MICAL3: variants seen among roughly 807,000 people sequenced by gnomAD.
The protein encoded by MICAL3 is microtubule associated monooxygenase, calponin and LIM domain containing 3.
In MICAL3, 62 loss-of-function variants were observed where a neutral mutation model predicts 207.4. The ratio of observed to expected loss-of-function variants is 0.30; its 90% CI spans 0.24 to 0.37. The LOEUF is 0.37. Ranked by LOEUF, MICAL3 falls within the 10% of genes least tolerant of loss-of-function variation. MICAL3 has a pLI of 1.00. For missense variants in MICAL3, 2,368 were observed against 2,635.6 expected (o/e 0.90, Z 2.22); for synonymous variants, 1,077 against 1,069.3 (o/e 1.01, Z -0.14).
At chr22:17,814,692 G>C (rs527902179) in intron 27 of MICAL3, 3 of 152,324 alleles carry the variant, frequency 2.0e-5, no homozygotes, top group African/African-American at 7.2e-5. Context: ...CATGTCATCT[G>C]TCTCCTAGGT....
chr22:17,828,188 C>T (rs1440450841), intron 21 of MICAL3, among the ~76,000 whole-genome samples: 3 of 152,214 alleles, frequency 2.0e-5, no homozygotes, highest in Non-Finnish European at 4.4e-5. Flanking sequence ...CCTGCTTTGT[C>T]CCTAGCACAG....
chr22:17,831,243 C>A (rs1922773177), intron 21 of MICAL3, among the ~76,000 whole-genome samples: 1 of 140,956 alleles, frequency 7.1e-6, no homozygotes, highest in Non-Finnish European at 1.6e-5. Context: ...CCTGCACAGG[C>A]CCAGCAAGTC....
chr22:17,899,558 G>A lies in MICAL3; in HGVS notation c.848-10C>T. ...TTCTCCAAGTCAATACCTGGGGCCAGAAGACAAACGTGTGCATGTAAGTTT... is the reference window on the plus strand; with the variant it reads ...TTCTCCAAGTCAATACCTGGGGCCAAAAGACAAACGTGTGCATGTAAGTTT... On this transcript the variant is annotated splice_polypyrimidine_tract_variant and intron_variant, in intron 6 of 31. Transcript: ENST00000441493. 6.5e-7 allele frequency: 1 copy of A among 1,549,924 alleles called. No homozygotes were observed. The highest frequency in any genetic ancestry group is 1.2e-5 in the South Asian group (1 of 86,404).
At chr22:17,937,974 T>C (rs1057013832) in intron 1 of MICAL3, among the ~76,000 whole-genome samples, 37 of 152,218 alleles carry the variant, frequency 2.4e-4, no homozygotes, top group African/African-American at 8.9e-4. Context: ...TACAAGACTT[T>C]ACAAACATCC....
At chr22:17,803,740 G>T in intron 29 of MICAL3, 1 of 752,586 alleles carries the variant, frequency 1.3e-6, no homozygotes, top group Non-Finnish European at 1.6e-6. Flanking sequence ...TTTGTGAGCA[G>T]GGACTGGGAA....
Position 17,804,002 on chromosome 22 carries a change from G to A in MICAL3, c.5650+4842C>T, listed in dbSNP as rs1239761301. On this transcript the variant is annotated intron_variant, in intron 29 of 31. Transcript: ENST00000441493. ...AGACACAGCGAGGCGGCAGAGGAACGGCTGGAAGGCATGCGTGCCTAAGTG... is the reference window on the plus strand; with the variant it reads ...AGACACAGCGAGGCGGCAGAGGAACAGCTGGAAGGCATGCGTGCCTAAGTG... The A allele has an allele frequency of 4.2e-5, 9 of 215,912 alleles. No homozygotes were observed. The East Asian group carries it at 9.2e-4, about 22-fold the overall frequency. 13.4% of individuals were successfully genotyped at this position (215,912 alleles called of 1,614,324 possible).
At position 17,856,920 on chromosome 22, in the gene MICAL3, C is replaced by T. The variant is rs969663057; in HGVS notation, c.2605+7979G>A. Among the ~76,000 whole-genome samples, 4 of 152,094 alleles carry T rather than the reference C, an allele frequency of 2.6e-5. No individual in the cohort carries two copies. The East Asian group carries it at 7.7e-4, about 29-fold the overall frequency. On this transcript the variant is annotated intron_variant, in intron 19 of 31. Coordinates refer to ENST00000441493, the MANE Select transcript of MICAL3 (RefSeq NM_015241.3). ...ACAGGCGTGAGCCACCGCGCCCGGC[C>T]GAAAATGTTTACTTTTAAAAGAACC...
intron 17 of MICAL3, among the ~76,000 whole-genome samples, chr22:17,869,107 A>C (rs1219061807): frequency 1.3e-5 from 2 of 152,186 alleles, no homozygotes; most frequent in African/African-American, 2.4e-5. Flanking sequence ...CAGTGGCTTC[A>C]TCATGCTTAT....
intron 1 of MICAL3, among the ~76,000 whole-genome samples, chr22:17,957,591 A>T (rs561251594): frequency 7.2e-5 from 11 of 151,996 alleles, no homozygotes; most frequent in African/African-American, 2.7e-4. Flanking sequence ...TGCGCCTGTA[A>T]TCCCAGCTAC....
chr22:17,987,573 A>T (rs1350773110), intron 1 of MICAL3, among the ~76,000 whole-genome samples: 3 of 152,142 alleles, frequency 2.0e-5, no homozygotes, highest in African/African-American at 7.2e-5. Flanking sequence ...ACGGGCAGGT[A>T]CCTACCCACC....
intron 29 of MICAL3, among the ~76,000 whole-genome samples, chr22:17,806,262 G>A (rs576636237): frequency 3.9e-5 from 6 of 152,304 alleles, no homozygotes; most frequent in Non-Finnish European, 7.4e-5. Context: ...GGGTCTGTCC[G>A]GGAGAGCTAC....
At chr22:17,993,714 G>A (rs1921951264) in intron 1 of MICAL3, among the ~76,000 whole-genome samples, 1 of 152,084 alleles carries the variant, frequency 6.6e-6, no homozygotes, top group Non-Finnish European at 1.5e-5. Context: ...CTGAGAAGCA[G>A]GCCAGGAATA....
At chr22:17,828,573 CA>C (rs1922458095) in intron 21 of MICAL3, among the ~76,000 whole-genome samples, 1 of 152,134 alleles carries the variant, frequency 6.6e-6, no homozygotes, top group Admixed American at 6.5e-5. Context: ...AGAATGAGAC[CA>C]ACAGCTCTCT....
At chr22:17,849,523 C>T (rs1009434632) in intron 19 of MICAL3, among the ~76,000 whole-genome samples, 38 of 150,088 alleles carry the variant, frequency 2.5e-4, no homozygotes, top group Middle Eastern at 3.5e-3. Flanking sequence ...TTTTTAGAAA[C>T]GGGGTCTTGC....
chr22:17,881,237 G>A, intron 16 of MICAL3: 1 of 1,612,706 alleles, frequency 6.2e-7, no homozygotes. Context: ...CAGGGAGGTG[G>A]AGTAGGGGGA....
At chr22:18,023,415 G>C (rs1924607340) in intron 1 of MICAL3, among the ~76,000 whole-genome samples, 1 of 149,468 alleles carries the variant, frequency 6.7e-6, no homozygotes, top group South Asian at 2.1e-4. Flanking sequence ...AGCTTGTCTC[G>C]GTTTCACCCT....
At chr22:17,809,025 C>A (rs423710) in intron 28 of MICAL3, 88 bp from the exon 29 acceptor site, 111,622 of 1,176,522 alleles carry the variant, frequency 0.095, 7,943 homozygotes, top group African/African-American at 0.31. Flanking sequence ...AGGGGAAACA[C>A]AGGAGTTGCC....
chr22:17,878,337 C>T (rs1929083468), intron 16 of MICAL3, among the ~76,000 whole-genome samples: 1 of 152,108 alleles, frequency 6.6e-6, no homozygotes, highest in Non-Finnish European at 1.5e-5. Context: ...GGAGAGCAGC[C>T]CCAGAAAGGG....
rs1219191954 is a variant in MICAL3 at position 17,896,931 on chromosome 22, C to A, written c.999G>T (p.Glu333Asp). The A allele has an allele frequency of 6.2e-7, 1 of 1,613,958 alleles. No homozygotes were observed. The highest frequency in any genetic ancestry group is 1.7e-5 in the Admixed American group (1 of 60,034). Residue 333 changes from glutamate to aspartate, a missense_variant, in exon 8 of 32, where the codon GAG (glutamate) becomes GAT (aspartate). Glu to Asp is a conservative substitution (Grantham distance 45). Around this residue, in one of 4 missense-constraint regions of MICAL3, gnomAD observed 400 missense variants for 547.0 expected, o/e 0.73. Coordinates refer to ENST00000441493, the MANE Select transcript of MICAL3 (RefSeq NM_015241.3). ...CCTCCCTGGCATAGCTGAGCAGAGCCTCCTGGTCCACGTTTTCTCGGGAAA... is the reference window on the plus strand; with the variant it reads ...CCTCCCTGGCATAGCTGAGCAGAGCATCCTGGTCCACGTTTTCTCGGGAAA... ...LLLSRENVDQ[E>D]ALLSYAREAA...
Sources: allele counts gnomAD v4.1 joint callset (sites outside exome capture counted in the v4.1 genomes callset), GRCh38; gene constraint gnomAD v4.1.1; regional missense constraint gnomAD v4.1.1; transcripts MANE v1.5; gene names NCBI Gene and HGNC (gene_info 2026-07-23, HGNC 2026-07-21).